The following CFAP299 variants were observed in gnomAD, a reference collection of about 807,000 sequenced individuals.
CFAP299 encodes the protein cilia- and flagella-associated protein 299.
CFAP299 carries 21 observed loss-of-function variants against 27.0 expected under a neutral mutation model. The observed-to-expected ratio is 0.78, with a 90% CI of 0.55 to 1.12. The LOEUF (loss-of-function observed/expected upper bound fraction) is 1.12, where lower values mean the gene tolerates loss of function less well. Among genes scored for constraint, CFAP299 ranks in the 50% most tolerant of loss-of-function variants. CFAP299 has a pLI of 0.00. For missense variants in CFAP299, 310 were observed against 276.6 expected, an observed-to-expected ratio of 1.12 and a Z score of -0.86; for synonymous variants, 104 against 98.1, an observed-to-expected ratio of 1.06 and a Z score of -0.36.
At chr4:80,676,627 A>G (rs951361894) in intron 3 of CFAP299, among the ~76,000 whole-genome samples, 1 of 151,614 alleles carries the variant, frequency 6.6e-6, no homozygotes, top group Non-Finnish European at 1.5e-5. Flanking sequence ...CTTCAATTTG[A>G]TTACTCATTA....
At chr4:80,510,738 G>A (rs1732256376) in intron 2 of CFAP299, among the ~76,000 whole-genome samples, 1 of 152,086 alleles carries the variant, frequency 6.6e-6, no homozygotes, top group Admixed American at 6.6e-5. Flanking sequence ...CTGTAAATAT[G>A]ATTTGATAAT....
At chr4:80,459,121 C>T (rs528440300) in intron 2 of CFAP299, among the ~76,000 whole-genome samples, 5 of 152,230 alleles carry the variant, frequency 3.3e-5, no homozygotes, top group Admixed American at 6.5e-5. Flanking sequence ...GTTAGGACTA[C>T]AGGTGCATTA....
intron 3 of CFAP299, among the ~76,000 whole-genome samples, chr4:80,593,201 G>A (rs1560644346): frequency 6.6e-6 from 1 of 152,108 alleles, no homozygotes; most frequent in Admixed American, 6.6e-5. Context: ...CTCATTCTTA[G>A]CAGAGGGGAA....
At chr4:80,687,282 C>G (rs77680400) in intron 3 of CFAP299, among the ~76,000 whole-genome samples, 3,355 of 152,286 alleles carry the variant, frequency 0.022, 50 homozygotes, top group Middle Eastern at 0.048. Context: ...CCAGCTCTAC[C>G]ACTCGTGATC....
At chr4:80,384,569 G>A (rs1382019092) in intron 2 of CFAP299, among the ~76,000 whole-genome samples, 3 of 152,156 alleles carry the variant, frequency 2.0e-5, no homozygotes, top group Non-Finnish European at 4.4e-5. Flanking sequence ...TAGGCTTGCT[G>A]TAGTATCTAT....
At chr4:80,717,318 G>A (rs1578053571) in intron 3 of CFAP299, among the ~76,000 whole-genome samples, 1 of 152,092 alleles carries the variant, frequency 6.6e-6, no homozygotes, top group African/African-American at 2.4e-5. Flanking sequence ...AGGATGAGTT[G>A]AGTTTGGCTG....
chr4:80,386,800 T>C (rs1200420213), intron 2 of CFAP299: 2 of 1,065,136 alleles, frequency 1.9e-6, no homozygotes, highest in Non-Finnish European at 2.9e-6. Context: ...TGTGCGTCGA[T>C]AAAGGGCATT....
intron 2 of CFAP299, among the ~76,000 whole-genome samples, chr4:80,500,224 G>A (rs895686455): frequency 2.6e-5 from 4 of 152,030 alleles, no homozygotes; most frequent in Non-Finnish European, 5.9e-5. Context: ...GCAACTGTAA[G>A]AAGAAATTCT....
At chr4:80,799,324 A>G (rs1441426323) in intron 3 of CFAP299, among the ~76,000 whole-genome samples, 1 of 96,860 alleles carries the variant, frequency 1.0e-5, no homozygotes, top group Non-Finnish European at 1.8e-5. Flanking sequence ...ATATAAATAT[A>G]TTTATATAAT....
At chr4:80,441,299 C>G (rs188792832) in intron 2 of CFAP299, among the ~76,000 whole-genome samples, 19 of 152,210 alleles carry the variant, frequency 1.2e-4, no homozygotes, top group African/African-American at 3.1e-4. Context: ...TAAGGGCAGC[C>G]AGAGAGGAAG....
chr4:80,362,621 T>A, intron 1 of CFAP299, 133 bp from the exon 2 acceptor site: 1 of 941,564 alleles, frequency 1.1e-6, no homozygotes, highest in Non-Finnish European at 1.5e-6. Context: ...AGATCATGTC[T>A]AGTTTTTAAA....
intron 4 of CFAP299, among the ~76,000 whole-genome samples, chr4:80,887,622 G>A (rs1010404885): frequency 1.3e-5 from 2 of 152,106 alleles, no homozygotes; most frequent in Admixed American, 1.3e-4. Context: ...GAATGAGCAA[G>A]AAGAAATCAA....
Position 80,860,911 on chromosome 4 carries a change from G to A in CFAP299, c.334-9082G>A, listed in dbSNP as rs186341632. Among the ~76,000 whole-genome samples the A allele has an allele frequency of 9.7e-3, 1,483 of 152,288 alleles. 21 individuals carry two copies. The highest frequency in any genetic ancestry group is 0.067 in the South Asian group (325 of 4,824). On this transcript the variant is annotated intron_variant, in intron 3 of 5. Coordinates refer to ENST00000358105, the MANE Select transcript of CFAP299 (RefSeq NM_152770.3). ...TGCCCATTCTCAGATCTTCAGCTGC[G>A]TGCTGGGAGAACCACTGCTCTCTTC... is the stretch of plus-strand genomic sequence containing the variant.
chr4:80,367,825 G>A (rs757523277), intron 2 of CFAP299, among the ~76,000 whole-genome samples: 1 of 152,160 alleles, frequency 6.6e-6, no homozygotes, highest in Non-Finnish European at 1.5e-5. Flanking sequence ...GACTGGCCAT[G>A]GTTTTCTTGC....
At chr4:80,436,211 C>T (rs1024490748) in intron 2 of CFAP299, among the ~76,000 whole-genome samples, 1 of 151,910 alleles carries the variant, frequency 6.6e-6, no homozygotes, top group Non-Finnish European at 1.5e-5. Context: ...AGTTGTCTTA[C>T]TTCCCTTAAA....
chr4:80,356,121 T>C (rs1723268710), intron 1 of CFAP299, among the ~76,000 whole-genome samples: 1 of 146,630 alleles, frequency 6.8e-6, no homozygotes, highest in East Asian at 2.0e-4. Flanking sequence ...TTTTTTTTTG[T>C]CAGATTTATC....
chr4:80,516,059 C>T (rs1017837206), intron 2 of CFAP299, among the ~76,000 whole-genome samples: 4 of 127,610 alleles, frequency 3.1e-5, no homozygotes, highest in South Asian at 4.8e-4. Flanking sequence ...TTACTCTTGT[C>T]GCCCAGGATG....
chr4:80,724,272 G>A (rs941570544), intron 3 of CFAP299, among the ~76,000 whole-genome samples: 1 of 152,046 alleles, frequency 6.6e-6, no homozygotes, highest in Admixed American at 6.5e-5. Flanking sequence ...AATGAATGTA[G>A]CAGAACGGCA....
chr4:80,547,419 T>TA (rs1423687437), intron 2 of CFAP299, among the ~76,000 whole-genome samples: 3 of 151,884 alleles, frequency 2.0e-5, no homozygotes, highest in Admixed American at 6.6e-5. Flanking sequence ...TAAAAGAATT[T>TA]AAAAAATCCC....
Sources: gnomAD v4.1 joint callset for allele counts (sites outside exome capture counted in the v4.1 genomes callset) on GRCh38, gnomAD v4.1.1 for gene constraint, MANE v1.5 for transcripts, NCBI Gene and HGNC (gene_info 2026-07-23, HGNC 2026-07-21) for gene names.